Variants in NRXN1 observed in about 807,000 individuals in gnomAD.
NRXN1 encodes neurexin-1.
In NRXN1, 39 loss-of-function variants were observed where a neutral mutation model predicts 150.9. The ratio of observed to expected loss-of-function variants is 0.26; its 90% CI spans 0.20 to 0.34. The LOEUF (loss-of-function observed/expected upper bound fraction) is 0.34, where lower values mean the gene tolerates loss of function less well. Ranked by LOEUF, NRXN1 falls within the 10% of genes least tolerant of loss-of-function variation. NRXN1 has a pLI of 1.00. For synonymous variants in NRXN1, 924 were observed against 757.0 expected, an observed-to-expected ratio of 1.22 and a Z score of -3.62; for missense variants, 1,815 against 1,949.9, an observed-to-expected ratio of 0.93 and a Z score of 1.30.
chr2:50,246,593 CAG>C (rs2066528268), intron 17 of NRXN1, among the ~76,000 whole-genome samples: 1 of 151,932 alleles, frequency 6.6e-6, no homozygotes, highest in African/African-American at 2.4e-5. Context: ...TGGACTGGAA[CAG>C]AAGGGAATAT....
chr2:51,003,823 A>G (rs1700362160), intron 2 of NRXN1, among the ~76,000 whole-genome samples: 1 of 152,018 alleles, frequency 6.6e-6, no homozygotes, highest in Non-Finnish European at 1.5e-5. Flanking sequence ...AGTTACAGAA[A>G]TGAATCACCA....
At chr2:50,308,806 G>C (rs905339720) in intron 17 of NRXN1, among the ~76,000 whole-genome samples, 1 of 152,134 alleles carries the variant, frequency 6.6e-6, no homozygotes, top group East Asian at 1.9e-4. Context: ...GGTAGACAGG[G>C]AGTCAGACAG....
Position 50,859,641 on chromosome 2 carries a change from T to C in NRXN1, c.832+62228A>G, listed in dbSNP as rs867230403. On this transcript the variant is annotated intron_variant, in intron 5 of 22. Transcript: ENST00000401669. ...TTGACAGATGAACACATTGGAAAGG[T>C]GGTCTGGGACAGATGTCAACAAAAG... is the stretch of plus-strand genomic sequence containing the variant. 4.1e-4 allele frequency among the ~76,000 whole-genome samples: 62 copies of C among 150,190 alleles called. No homozygotes were observed. The Middle Eastern group carries it at 0.025, about 60-fold the overall frequency.
chr2:50,142,101 C>G (rs1212525583), intron 18 of NRXN1, among the ~76,000 whole-genome samples: 1 of 151,974 alleles, frequency 6.6e-6, no homozygotes, highest in Non-Finnish European at 1.5e-5. Context: ...GGTATATGTA[C>G]ACAGTGGAAT....
intron 5 of NRXN1, among the ~76,000 whole-genome samples, chr2:50,896,286 C>T (rs947832266): frequency 6.6e-6 from 1 of 152,090 alleles, no homozygotes; most frequent in Non-Finnish European, 1.5e-5. Flanking sequence ...CAGCTCATAG[C>T]CTAATACACA....
intron 17 of NRXN1, among the ~76,000 whole-genome samples, chr2:50,374,201 G>T (rs976171895): frequency 6.6e-6 from 1 of 151,792 alleles, no homozygotes; most frequent in African/African-American, 2.4e-5. Context: ...CGGAGGCTGA[G>T]GCAGGATGAT....
intron 8 of NRXN1, among the ~76,000 whole-genome samples, chr2:50,570,220 GGAA>G: frequency 6.6e-6 from 1 of 152,116 alleles, no homozygotes; most frequent in East Asian, 1.9e-4. Context: ...ATTCTAGAGA[GGAA>G]GAAGGAGTAA....
intron 15 of NRXN1, among the ~76,000 whole-genome samples, chr2:50,486,791 T>A: frequency 6.6e-6 from 1 of 151,988 alleles, no homozygotes; most frequent in East Asian, 1.9e-4. Flanking sequence ...TGTACTAGGG[T>A]AGTTATGGGA....
intron 5 of NRXN1, among the ~76,000 whole-genome samples, chr2:50,873,851 G>A (rs1191767370): frequency 1.3e-5 from 2 of 151,756 alleles, no homozygotes; most frequent in African/African-American, 2.4e-5. Context: ...ATGCTGACCT[G>A]GCAAGTGCCT....
chr2:50,619,523 T>C (rs1295566114), intron 8 of NRXN1: 1 of 164,224 alleles, frequency 6.1e-6, no homozygotes, highest in Non-Finnish European at 1.3e-5. Context: ...TCCTCCAGAA[T>C]GTGTTGAAAA....
chr2:50,730,512 C>T (rs1179326076), intron 5 of NRXN1, among the ~76,000 whole-genome samples: 1 of 152,098 alleles, frequency 6.6e-6, no homozygotes, highest in Non-Finnish European at 1.5e-5. Context: ...CTCTCATTAC[C>T]TGCTTGTTGA....
rs74598157 is a variant in NRXN1 at position 50,032,529 on chromosome 2, C to T, written c.4128+20742G>A. 4.9e-4 allele frequency among the ~76,000 whole-genome samples: 75 copies of T among 152,024 alleles called. No homozygotes were observed. In the East Asian group the frequency reaches 0.013, roughly 27 times the overall value. ...ATTTGCAGAATTTAGTAATATACAC[C>T]AAGATTGCAATTTGAGAGCTAAAAG... On this transcript the variant is annotated intron_variant, in intron 21 of 22. Coordinates refer to ENST00000401669, the MANE Select transcript of NRXN1 (RefSeq NM_001330078.2).
intron 2 of NRXN1, chr2:50,979,163 C>T (rs1696376683): frequency 4.2e-6 from 2 of 473,598 alleles, no homozygotes; most frequent in African/African-American, 2.0e-5. Flanking sequence ...AAACACATAA[C>T]TTACATGGTC....
chr2:50,853,734 C>T (rs895339233), intron 5 of NRXN1, among the ~76,000 whole-genome samples: 1 of 152,034 alleles, frequency 6.6e-6, no homozygotes, highest in Non-Finnish European at 1.5e-5. Flanking sequence ...AAGAGGTTCC[C>T]TATACAAATT....
intron 21 of NRXN1, among the ~76,000 whole-genome samples, chr2:49,975,990 C>T (rs1678896142): frequency 1.3e-5 from 2 of 150,968 alleles, no homozygotes; most frequent in South Asian, 2.1e-4. Context: ...CATGTATACA[C>T]ACACAAATGA....
chr2:50,190,607 T>C (rs978214851), intron 18 of NRXN1, among the ~76,000 whole-genome samples: 7 of 127,860 alleles, frequency 5.5e-5, no homozygotes, highest in African/African-American at 1.9e-4. Context: ...TTCTAACTTT[T>C]TTTTTCTTTT....
chr2:50,077,845 C>G (rs1245182910), intron 19 of NRXN1, among the ~76,000 whole-genome samples: 1 of 151,872 alleles, frequency 6.6e-6, no homozygotes, highest in Non-Finnish European at 1.5e-5. Context: ...ATAATATGCC[C>G]AAGATGACAA....
chr2:50,797,854 T>C (rs149101480), intron 5 of NRXN1, among the ~76,000 whole-genome samples: 179 of 152,298 alleles, frequency 1.2e-3, no homozygotes, highest in African/African-American at 4.2e-3. Context: ...AAACTGTCAT[T>C]CTAAGACAAA....
intron 17 of NRXN1, among the ~76,000 whole-genome samples, chr2:50,404,998 C>A (rs1312359860): frequency 6.6e-6 from 1 of 152,074 alleles, no homozygotes; most frequent in Admixed American, 6.6e-5. Context: ...AAATCAAAAA[C>A]ACACCCTTGA....
Sources: allele counts gnomAD v4.1 joint callset (sites outside exome capture counted in the v4.1 genomes callset), GRCh38; gene constraint gnomAD v4.1.1; transcripts MANE v1.5; gene names NCBI Gene and HGNC (gene_info 2026-07-23, HGNC 2026-07-21).